CDH4: variants seen among roughly 807,000 people sequenced by gnomAD.
CDH4 encodes the protein cadherin-4.
In CDH4, 33 loss-of-function variants were observed where a neutral mutation model predicts 86.0. The ratio of observed to expected loss-of-function variants is 0.38; its 90% confidence interval spans 0.29 to 0.51. CDH4 has a LOEUF of 0.51. Among genes scored for constraint, CDH4 ranks in the 20% least tolerant of loss-of-function variants. The pLI is 0.86. For missense variants in CDH4, 1,114 were observed against 1,307.4 expected (o/e 0.85, Z 2.28); for synonymous variants, 555 against 549.4 (o/e 1.01, Z -0.14).
Position 61,651,085 on chromosome 20 carries a change from C to T in CDH4, c.170-92478C>T, listed in dbSNP as rs184801335. On this transcript the variant is annotated intron_variant, in intron 2 of 15. Transcript: ENST00000614565. ...TGAGTTAGCGCCGTGCTTGGCCGTGCACTGGTGTGCTCGTGTCAGTGAGTT... is the reference window on the plus strand; with the variant it reads ...TGAGTTAGCGCCGTGCTTGGCCGTGTACTGGTGTGCTCGTGTCAGTGAGTT... Among the ~76,000 whole-genome samples, 5 of 150,970 alleles carry T rather than the reference C, an allele frequency of 3.3e-5. No individual in the cohort carries two copies. The East Asian group carries it at 9.8e-4, about 30-fold the overall frequency.
At position 61,258,592 on chromosome 20, in the gene CDH4, G is replaced by T. The variant is rs117573275; in HGVS notation, c.169+3655G>T. 2.4e-4 allele frequency among the ~76,000 whole-genome samples: 36 copies of T among 152,252 alleles called. No homozygotes were observed. The East Asian group carries it at 6.8e-3, about 29-fold the overall frequency. On this transcript the variant is annotated intron_variant, in intron 2 of 15. Transcript: ENST00000614565. ...TTTATATCATTTCAGGATGTTCTTG[G>T]CCAACAGAATAAAACCCAATTCACA...
intron 9 of CDH4, among the ~76,000 whole-genome samples, chr20:61,920,761 G>A (rs62205020): frequency 6.6e-6 from 1 of 151,376 alleles, no homozygotes; most frequent in Non-Finnish European, 1.5e-5. Flanking sequence ...GAAGCATGGT[G>A]TCACAGTAAT....
intron 2 of CDH4, among the ~76,000 whole-genome samples, chr20:61,641,029 G>A (rs2087002496): frequency 6.6e-6 from 1 of 152,112 alleles, no homozygotes. Context: ...GCAGGTGGGT[G>A]CCAGAGGCCC....
intron 2 of CDH4, among the ~76,000 whole-genome samples, chr20:61,302,356 A>T (rs1568789001): frequency 1.3e-5 from 2 of 152,230 alleles, no homozygotes; most frequent in Non-Finnish European, 2.9e-5. Context: ...CGTTTTCAAG[A>T]CTTTGCAAGC....
At chr20:61,585,727 ATG>A (rs2086464642) in intron 2 of CDH4, among the ~76,000 whole-genome samples, 1 of 28,740 alleles carries the variant, frequency 3.5e-5, no homozygotes, top group Admixed American at 4.3e-4. Context: ...GATGATGGTG[ATG>A]TGGTGATGGG....
At chr20:61,669,864 C>T (rs181116617) in intron 2 of CDH4, among the ~76,000 whole-genome samples, 6 of 152,268 alleles carry the variant, frequency 3.9e-5, no homozygotes, top group South Asian at 2.1e-4. Flanking sequence ...ATGCAGGACA[C>T]GGCTCTGGGA....
chr20:61,494,101 G>A (rs1018514624), intron 2 of CDH4, among the ~76,000 whole-genome samples: 5 of 152,342 alleles, frequency 3.3e-5, no homozygotes, highest in African/African-American at 1.2e-4. Flanking sequence ...AGGAGCAGGT[G>A]GAGACAGGAG....
chr20:61,332,425 G>A (rs556746224), intron 2 of CDH4, among the ~76,000 whole-genome samples: 26 of 152,308 alleles, frequency 1.7e-4, no homozygotes, highest in South Asian at 1.0e-3. Context: ...GCAAGGATTC[G>A]TGTGATCCCA....
intron 8 of CDH4, among the ~76,000 whole-genome samples, chr20:61,896,911 G>T (rs1021726822): frequency 6.6e-6 from 1 of 152,170 alleles, no homozygotes; most frequent in African/African-American, 2.4e-5. Flanking sequence ...AAAAGGAAGT[G>T]ATGGCAGGGA....
At chr20:61,467,275 A>G (rs1041407889) in intron 2 of CDH4, among the ~76,000 whole-genome samples, 2 of 152,234 alleles carry the variant, frequency 1.3e-5, no homozygotes, top group African/African-American at 4.8e-5. Flanking sequence ...CAATGAAGAA[A>G]GTCTTCCACA....
chr20:61,809,243 C>G (rs558389859), intron 4 of CDH4, among the ~76,000 whole-genome samples: 1 of 152,106 alleles, frequency 6.6e-6, no homozygotes, highest in African/African-American at 2.4e-5. Flanking sequence ...ATGGTGGTCC[C>G]GGGGATGGTC....
intron 2 of CDH4, among the ~76,000 whole-genome samples, chr20:61,461,494 C>A (rs892357703): frequency 1.3e-5 from 2 of 152,118 alleles, no homozygotes; most frequent in African/African-American, 4.8e-5. Flanking sequence ...ACTGAGGGGG[C>A]CTGCTCAGAG....
At chr20:61,885,526 A>T (rs1377769655) in intron 7 of CDH4, among the ~76,000 whole-genome samples, 1 of 152,180 alleles carries the variant, frequency 6.6e-6, no homozygotes, top group East Asian at 1.9e-4. Flanking sequence ...CTCTTTGTCC[A>T]TTCATCGCTC....
Position 61,565,298 on chromosome 20 carries a change from G to GTGGT in CDH4, c.170-178265_170-178264insTGGT, listed in dbSNP as rs1568688885. Among the ~76,000 whole-genome samples the GTGGT allele has an allele frequency of 1.0e-4, 6 of 58,166 alleles. 1 individual carries two copies. The East Asian group carries it at 2.6e-3, about 25-fold the overall frequency. The allele number at this position is 58,166 out of a possible 152,430, so 38.2% of individuals were successfully genotyped here. A position where few individuals can be genotyped will look rare whatever the true frequency, so the allele number is the denominator to read the frequency against. On this transcript the variant is annotated intron_variant, in intron 2 of 15. Coordinates refer to ENST00000614565, the MANE Select transcript of CDH4 (RefSeq NM_001794.5). ...TCTTGGTGATGGGGTGATGGTGGTGGCGGTGCTCTTGGTGGTGGCGGTGCT... is the reference window on the plus strand; with the variant it reads ...TCTTGGTGATGGGGTGATGGTGGTGGTGGTCGGTGCTCTTGGTGGTGGCGGTGCT...
chr20:61,446,035 G>A (rs973576533), intron 2 of CDH4, among the ~76,000 whole-genome samples: 2 of 152,212 alleles, frequency 1.3e-5, no homozygotes, highest in Admixed American at 6.5e-5. Context: ...CTGTGGGTGC[G>A]CAGTTGATTT....
chr20:61,307,386 G>A (rs913460362), intron 2 of CDH4, among the ~76,000 whole-genome samples: 2 of 149,718 alleles, frequency 1.3e-5, no homozygotes, highest in African/African-American at 4.9e-5. Flanking sequence ...CATTGCATGT[G>A]TCATTAGGCA....
intron 2 of CDH4, among the ~76,000 whole-genome samples, chr20:61,353,023 C>T (rs2123303723): frequency 6.6e-6 from 1 of 152,242 alleles, no homozygotes; most frequent in South Asian, 2.1e-4. Flanking sequence ...ACCCCACGGG[C>T]CCCATCTCCT....
At chr20:61,927,247 C>T (rs1291667594) in intron 11 of CDH4, among the ~76,000 whole-genome samples, 1 of 152,230 alleles carries the variant, frequency 6.6e-6, no homozygotes, top group Non-Finnish European at 1.5e-5. Context: ...GCCGCCACCA[C>T]CGCCGCCTCC....
chr20:61,696,655 C>T (rs1326242088), intron 2 of CDH4, among the ~76,000 whole-genome samples: 1 of 152,224 alleles, frequency 6.6e-6, no homozygotes, highest in Non-Finnish European at 1.5e-5. Flanking sequence ...GACCCACTAC[C>T]CTCCATGGTC....
Sources: allele counts gnomAD v4.1 joint callset (sites outside exome capture counted in the v4.1 genomes callset), GRCh38; gene constraint gnomAD v4.1.1; transcripts MANE v1.5; gene names NCBI Gene and HGNC (gene_info 2026-07-23, HGNC 2026-07-21).